The following GHDC variants were observed in gnomAD, a reference collection of about 807,000 sequenced individuals.
GHDC encodes GH3 domain containing.
A neutral mutation model predicts 51.5 loss-of-function variants in GHDC; 39 were observed. That is an observed-to-expected ratio of 0.76 (90% CI 0.59 to 0.99). The LOEUF (loss-of-function observed/expected upper bound fraction) is 0.99, where lower values mean the gene tolerates loss of function less well. GHDC is among the 50% of genes least tolerant of loss of function. The probability of loss-of-function intolerance (pLI) is 0.00; values close to 1 mark genes in which losing one functional copy is unlikely to be tolerated. For synonymous variants in GHDC, 282 were observed against 305.2 expected (o/e 0.92, Z 0.79); for missense variants, 610 against 672.8 (o/e 0.91, Z 1.03).
In GHDC at chr17:42,189,146, G is replaced by A. The variant is rs190197518; in HGVS notation, c.*557C>T. ...AGGAAGCCCAAGGCGGGGGAGTGGG[G>A]AAGAGAGGGAAGGGAGAGCCCCCGC... On this transcript the variant is annotated 3_prime_UTR_variant, in exon 10 of 10. Transcript: ENST00000587427. The A allele has an allele frequency of 5.0e-6, 2 of 398,604 alleles. No homozygotes were observed. The highest frequency in any genetic ancestry group is 4.1e-5 in the African/African-American group (2 of 48,638). The allele number at this position is 398,604 out of a possible 1,614,324, so 24.7% of individuals were successfully genotyped here. A position where few individuals can be genotyped will look rare whatever the true frequency, so the allele number is the denominator to read the frequency against.
chr17:42,191,465 C>G (rs530201626), intron 5 of GHDC, among the ~76,000 whole-genome samples: 1 of 147,918 alleles, frequency 6.8e-6, no homozygotes, highest in African/African-American at 2.5e-5. Context: ...GTGCAAGACT[C>G]TTTTTTTTTT....
In GHDC at chr17:42,190,839, T is replaced by G. The variant is rs1412439830; in HGVS notation, c.1147A>C (p.Ile383Leu). The G allele has an allele frequency of 6.2e-7, 1 of 1,613,544 alleles. No individual in the cohort carries two copies. The highest frequency in any genetic ancestry group is 8.5e-7 in the Non-Finnish European group (1 of 1,179,854). ...CTCCCCGGGGTCACCTACCTGCAGA[T>G]GAACCTGACGACTGGACACTGATTG... is the stretch of plus-strand genomic sequence containing the variant. ...AYNQCPVVRF[I>L]CRLDQTLSVR... Residue 383 changes from isoleucine to leucine, a missense_variant, in exon 7 of 10, where the codon ATC becomes CTC. Physicochemically the swap from Ile to Leu is conservative, Grantham distance 5. This residue lies in a region of GHDC where 412 missense variants were observed against 410.4 expected (regional missense o/e 1.00). Transcript: ENST00000587427.
At position 42,192,462 on chromosome 17, in the gene GHDC, G is replaced by A. The variant is rs369536051; in HGVS notation, c.668C>T (p.Ala223Val). ...LETDGEELAG[A>V]IAAGNPGAPL... ...CGCTCCAGGGTTCCCGGCAGCTATCGCCCCAGCTAGCTCTTCACCATCAGT... is the reference window on the plus strand; with the variant it reads ...CGCTCCAGGGTTCCCGGCAGCTATCACCCCAGCTAGCTCTTCACCATCAGT... The change falls in exon 5 of 10, where the codon GCG becomes GTG. Residue 223 changes from alanine to valine, a missense_variant. Physicochemically the swap from Ala to Val is moderately conservative, Grantham distance 64. Around this residue, in one of 2 missense-constraint regions of GHDC, gnomAD observed 412 missense variants for 410.4 expected, o/e 1.00. Transcript: ENST00000587427. 1.9e-5 allele frequency: 30 copies of A among 1,613,526 alleles called. No homozygotes were observed. The highest frequency in any genetic ancestry group is 1.6e-4 in the African/African-American group (12 of 74,942).
chr17:42,192,014 G>A (rs1374600217), intron 5 of GHDC, among the ~76,000 whole-genome samples: 1 of 149,978 alleles, frequency 6.7e-6, no homozygotes, highest in Non-Finnish European at 1.5e-5. Context: ...CATCCACCTT[G>A]GCCTCCCAAA....
chr17:42,190,233 A>G lies in GHDC; in HGVS notation c.1326T>C (p.Phe442=). ...GATTCCTCAGCCCCCTCAGCGCCAC[A>G]AACACCTCGTAGTGGGGAGCAGAGC... The part of the protein sequence containing the change: ...SAGSAPHYEV[F]VALRGLRNLS... The change falls in exon 9 of 10, where the codon TTT becomes TTC. Residue 442 remains phenylalanine, a synonymous_variant. Transcript: ENST00000587427. 6.2e-7 allele frequency: 1 copy of G among 1,614,110 alleles called. No individual in the cohort carries two copies. The highest frequency in any genetic ancestry group is 8.5e-7 in the Non-Finnish European group (1 of 1,180,018).
chr17:42,189,857 C>A lies in GHDC; in HGVS notation c.1439G>T (p.Gly480Val). 6.4e-7 allele frequency: 1 copy of A among 1,560,988 alleles called. No individual in the cohort carries two copies. ...CCCCACCAGGTGGACTCTGGCAGGG[C>A]CCACGCTGCCCCAGAACCGCAGGGA... ...YKSLRFWGSVGPARVHLVGQG... is the reference protein window; with the variant it reads ...YKSLRFWGSVVPARVHLVGQG... Residue 480 changes from glycine (G) to valine (V), a missense_variant, in exon 10 of 10, where the codon GGC becomes GTC. By Grantham distance (109) the Gly-to-Val change is moderately radical. Coordinates refer to ENST00000587427, the MANE Select transcript of GHDC (RefSeq NM_032484.5).
rs779913148 is a variant in GHDC, at chr17:42,191,003, T to C, written c.1082+15A>G. On this transcript the variant is annotated intron_variant, in intron 6 of 9. Transcript: ENST00000587427. ...CCATAGGGCCCCAGGTAGCAGGGGC[T>C]GTGCAGCTGATCACCTGGTGAGGCT... 4.7e-5 allele frequency: 74 copies of C among 1,566,390 alleles called. No individual in the cohort carries two copies. The East Asian group carries it at 1.6e-3, about 34-fold the overall frequency.
chr17:42,193,076 G>A, intron 3 of GHDC, 49 bp from the exon 4 acceptor site: 1 of 1,613,810 alleles, frequency 6.2e-7, no homozygotes, highest in Non-Finnish European at 8.5e-7. Context: ...AGTTTCCCAA[G>A]AGTTTCAGGC....
intron 8 of GHDC, 23 bp downstream of exon 8, chr17:42,190,601 C>T (rs370647819): frequency 6.2e-7 from 1 of 1,602,404 alleles, no homozygotes; most frequent in African/African-American, 1.3e-5. Flanking sequence ...GGATGGTAGG[C>T]AGGAGCCGGT....
rs913625627 is a variant in GHDC at position 42,190,899 on chromosome 17, G to A, written c.1087C>T (p.Arg363Cys). The change falls in exon 7 of 10, where the codon CGC (arginine) becomes TGC (cysteine). Residue 363 changes from arginine (R) to cysteine (C), a missense_variant. Transcript: ENST00000587427. ...LTDRASLTRC[R>C]LGDVVRVVGA... Reference sequence around the variant, plus strand: ...ACCACTCGCACCACATCACCCAGGCGGCACCTGATGGGGTGCAAGTGGGAG... The same window carrying A: ...ACCACTCGCACCACATCACCCAGGCAGCACCTGATGGGGTGCAAGTGGGAG... The A allele has an allele frequency of 4.4e-6, 7 of 1,607,008 alleles. No homozygotes were observed. Among genetic ancestry groups the A allele is most frequent in the East Asian group, 2.2e-5 (1 of 44,834 alleles).
Position 42,189,572 on chromosome 17 carries a change from C to T in GHDC, c.*131G>A, listed in dbSNP as rs1435537843. 1.4e-5 allele frequency: 7 copies of T among 507,334 alleles called. No homozygotes were observed. The highest frequency in any genetic ancestry group is 7.9e-5 in the African/African-American group (4 of 50,558). The allele number at this position is 507,334 out of a possible 1,614,324, so 31.4% of individuals were successfully genotyped here. On this transcript the variant is annotated 3_prime_UTR_variant, in exon 10 of 10. Coordinates refer to ENST00000587427, the MANE Select transcript of GHDC (RefSeq NM_032484.5). ...GGGCCAAGGCCTCTCTAAGGCCCAGCGGCTCTCATGGGCAAATGTCAGGTG... is the reference window on the plus strand; with the variant it reads ...GGGCCAAGGCCTCTCTAAGGCCCAGTGGCTCTCATGGGCAAATGTCAGGTG...
chr17:42,189,887 T>A lies in GHDC; in HGVS notation c.1409A>T (p.Tyr470Phe). ...GCTGCCCCAGAACCGCAGGGACTTGTAGCGGGGAGAGGCTTCCTGAAGGCA... is the reference window on the plus strand; with the variant it reads ...GCTGCCCCAGAACCGCAGGGACTTGAAGCGGGGAGAGGCTTCCTGAAGGCA... ...DHCLQEASPR[Y>F]KSLRFWGSVG... The change falls in exon 10 of 10, where the codon TAC becomes TTC. Residue 470 changes from tyrosine (Y) to phenylalanine (F), a missense_variant. Coordinates refer to ENST00000587427, the MANE Select transcript of GHDC (RefSeq NM_032484.5). The A allele has an allele frequency of 6.4e-7, 1 of 1,553,044 alleles. No homozygotes were observed. The highest frequency in any genetic ancestry group is 8.7e-7 in the Non-Finnish European group (1 of 1,149,510).
chr17:42,190,390 G>T (rs1293650613), intron 8 of GHDC, 120 bp from the exon 9 acceptor site: 2 of 1,565,814 alleles, frequency 1.3e-6, no homozygotes, highest in Admixed American at 3.9e-5. Context: ...AGAGTTTCTT[G>T]GTGGGGAGTG....
At chr17:42,190,114 A>T in intron 9 of GHDC, 71 bp downstream of exon 9, 1 of 1,533,744 alleles carries the variant, frequency 6.5e-7, no homozygotes, top group Non-Finnish European at 8.8e-7. Flanking sequence ...ATCAGCCCTG[A>T]TCTCCATGGC....
At position 42,190,690 on chromosome 17, in the gene GHDC, G is replaced by A. The variant is rs774316091; in HGVS notation, c.1222C>T (p.Arg408Trp). The change falls in exon 8 of 10, where the codon CGG (arginine) becomes TGG (tryptophan). Residue 408 changes from arginine to tryptophan, a missense_variant. By Grantham distance (101) the Arg-to-Trp change is moderately radical. This residue lies in a region of GHDC where 412 missense variants were observed against 410.4 expected (regional missense o/e 1.00). Coordinates refer to ENST00000587427, the MANE Select transcript of GHDC (RefSeq NM_032484.5). ...GEDLFSEALGRAVGQWAGAKL... is the reference protein window; with the variant it reads ...GEDLFSEALGWAVGQWAGAKL... ...GCCCCCGCCCACTGCCCCACTGCCC[G>A]GCCCAGGGCCTCAGAGAACAGGTCT... The A allele has an allele frequency of 5.8e-5, 94 of 1,613,920 alleles. No individual in the cohort carries two copies. The highest frequency in any genetic ancestry group is 5.6e-4 in the East Asian group (25 of 44,874).
chr17:42,193,195 C>G, intron 3 of GHDC, 122 bp downstream of exon 3: 1 of 1,530,094 alleles, frequency 6.5e-7, no homozygotes, highest in Non-Finnish European at 8.9e-7. Context: ...AGTCCTGGGT[C>G]TCTGGGTCAG....
chr17:42,189,618 GC>G lies in GHDC; in HGVS notation c.*84del. Reference sequence around the variant, plus strand: ...AGGTGACACAGAGTCAGAGACCCTGGCCAAGGACTCCCCATCCGGAGAGGTC... The same window carrying G: ...AGGTGACACAGAGTCAGAGACCCTGGCAAGGACTCCCCATCCGGAGAGGTC... On this transcript the variant is annotated 3_prime_UTR_variant, in exon 10 of 10. Coordinates refer to ENST00000587427, the MANE Select transcript of GHDC (RefSeq NM_032484.5). 2 of 650,770 alleles carry G rather than the reference GC, an allele frequency of 3.1e-6. No homozygotes were observed. The highest frequency in any genetic ancestry group is 6.4e-5 in the East Asian group (2 of 31,094). The allele number at this position is 650,770 out of a possible 1,614,324, so 40.3% of individuals were successfully genotyped here. A position where few individuals can be genotyped will look rare whatever the true frequency, so the allele number is the denominator to read the frequency against.
Position 42,192,753 on chromosome 17 carries a change from A to G in GHDC, c.388-11T>C. On this transcript the variant is annotated splice_polypyrimidine_tract_variant and intron_variant, in intron 4 of 9. Transcript: ENST00000587427. Reference sequence around the variant, plus strand: ...ACCCAGCAAGGTGGCCTGGAGGAGGAAAGAGAGAATGTTGGTCTGGTGTCA... The same window carrying G: ...ACCCAGCAAGGTGGCCTGGAGGAGGGAAGAGAGAATGTTGGTCTGGTGTCA... 6.5e-7 allele frequency: 1 copy of G among 1,531,740 alleles called. No individual in the cohort carries two copies. Among genetic ancestry groups the G allele is most frequent in the Admixed American group, 2.2e-5 (1 of 46,160 alleles). The allele number at this position is 1,531,740 out of a possible 1,614,324, so 94.9% of individuals were successfully genotyped here. A position where few individuals can be genotyped will look rare whatever the true frequency, so the allele number is the denominator to read the frequency against.
chr17:42,191,631 T>C (rs1440713952), intron 5 of GHDC, among the ~76,000 whole-genome samples: 1 of 152,034 alleles, frequency 6.6e-6, no homozygotes, highest in African/African-American at 2.4e-5. Context: ...CTAATTTTTG[T>C]ATTTTTAGTA....
Sources: allele counts gnomAD v4.1 joint callset (sites outside exome capture counted in the v4.1 genomes callset), GRCh38; gene constraint gnomAD v4.1.1; regional missense constraint gnomAD v4.1.1; transcripts MANE v1.5; gene names NCBI Gene and HGNC (gene_info 2026-07-23, HGNC 2026-07-21).